The following NCKAP5L variants were observed in gnomAD, a reference collection of about 807,000 sequenced individuals.
NCKAP5L encodes the protein NCK associated protein 5 like, also known as nck-associated protein 5-like.
A neutral mutation model predicts 103.2 loss-of-function variants in NCKAP5L; 54 were observed. That is an observed-to-expected ratio of 0.52 (90% CI 0.42 to 0.66). The LOEUF is 0.66. Ranked by LOEUF, NCKAP5L falls within the 30% of genes least tolerant of loss-of-function variation. The pLI is 0.00. For missense variants in NCKAP5L, 1,733 were observed against 1,750.6 expected, an observed-to-expected ratio of 0.99 and a Z score of 0.18; for synonymous variants, 762 against 748.6, an observed-to-expected ratio of 1.02 and a Z score of -0.29.
chr12:49,826,823 C>T (rs886787875), intron 1 of NCKAP5L, among the ~76,000 whole-genome samples: 2 of 152,210 alleles, frequency 1.3e-5, no homozygotes, highest in African/African-American at 4.8e-5. Context: ...GAAGATCCTT[C>T]TTCCCTGCCA....
At position 49,797,051 on chromosome 12, in the gene NCKAP5L, G is replaced by A; in HGVS notation, c.809C>T (p.Thr270Ile). ...LLGGLGGEED[T>I]GRPWGPSRGP... Reference sequence around the variant, plus strand: ...CCTGCTAGGACCCCAGGGCCGCCCAGTGTCCTCTTCCCCTCCCAGACCCCC... The same window carrying A: ...CCTGCTAGGACCCCAGGGCCGCCCAATGTCCTCTTCCCCTCCCAGACCCCC... The change falls in exon 8 of 13, where the codon ACT becomes ATT. Residue 270 changes from threonine (T) to isoleucine (I), a missense_variant. Thr to Ile is a moderately conservative substitution (Grantham distance 89). Transcript: ENST00000335999. The surrounding 1 kb of genome is among the most constrained non-coding windows in gnomAD (Gnocchi z 4.5). 1.3e-6 allele frequency: 2 copies of A among 1,574,146 alleles called. No individual in the cohort carries two copies. Among genetic ancestry groups the A allele is most frequent in the Non-Finnish European group, 1.7e-6 (2 of 1,160,444 alleles).
Position 49,824,348 on chromosome 12 carries a change from C to G in NCKAP5L, c.-99+3974G>C, listed in dbSNP as rs371043138. Among the ~76,000 whole-genome samples, 13 of 152,326 alleles carry G rather than the reference C, an allele frequency of 8.5e-5. No homozygotes were observed. In the East Asian group the frequency reaches 1.7e-3, roughly 20 times the overall value. On this transcript the variant is annotated intron_variant, in intron 1 of 12. Transcript: ENST00000335999. The stretch of plus-strand genomic sequence containing the variant: ...GTCCATGAAGTGGGAGTGGGGAGCA[C>G]CTTACAGCCAGGTAGGCAGATCAGA...
chr12:49,796,010 C>T lies in NCKAP5L; in HGVS notation c.1850G>A (p.Ser617Asn), dbSNP rs1276274335. ...PCLPESYPYG[S>N]PQEKSLDKAG... is the part of the protein sequence containing the mutation. ...CTTGTCCAAACTCTTCTCTTGGGGG[C>T]TCCCATAGGGGTACGATTCTGGGAG... The change falls in exon 8 of 13, where the codon AGC becomes AAC. Residue 617 changes from serine to asparagine, a missense_variant. By Grantham distance (46) the Ser-to-Asn change is conservative. Coordinates refer to ENST00000335999, the MANE Select transcript of NCKAP5L (RefSeq NM_001037806.4). 1 of 1,541,986 alleles carries T rather than the reference C, an allele frequency of 6.5e-7. No individual in the cohort carries two copies. The highest frequency in any genetic ancestry group is 1.3e-5 in the South Asian group (1 of 77,892).
In NCKAP5L at chr12:49,791,918, C is replaced by T. The variant is rs1488952496; in HGVS notation, c.3926G>A (p.Gly1309Asp). The change falls in exon 13 of 13, where the codon GGC becomes GAC. Residue 1309 changes from glycine to aspartate, a missense_variant. By Grantham distance (94) the Gly-to-Asp change is moderately conservative. Transcript: ENST00000335999. ...CTCCGAGGTCTCCAGCCCTGGGGGG[C>T]CCCCGCTGGCCACTCTGCCTTCCTC... ...MAEEGRVASG[G>D]PPGLETSESL... is the part of the protein sequence containing the mutation. 6 of 1,611,404 alleles carry T rather than the reference C, an allele frequency of 3.7e-6. No individual in the cohort carries two copies. The highest frequency in any genetic ancestry group is 2.2e-5 in the East Asian group (1 of 44,834).
intron 1 of NCKAP5L, among the ~76,000 whole-genome samples, chr12:49,826,782 C>A (rs1946421147): frequency 6.6e-6 from 1 of 152,142 alleles, no homozygotes; most frequent in East Asian, 1.9e-4. Context: ...CGCTTGCTCC[C>A]CAAACACTTA....
Position 49,797,274 on chromosome 12 carries a change from C to T in NCKAP5L, c.586G>A (p.Ala196Thr). The T allele has an allele frequency of 1.2e-6, 2 of 1,613,544 alleles. No homozygotes were observed. The highest frequency in any genetic ancestry group is 1.7e-4 in the Middle Eastern group (1 of 6,056). Residue 196 changes from alanine (A) to threonine (T), a missense_variant, in exon 8 of 13, where the codon GCC becomes ACC. Physicochemically the swap from Ala to Thr is moderately conservative, Grantham distance 58. Transcript: ENST00000335999. This position sits in a 1 kb window ranked among gnomAD's most constrained non-coding sequence, Gnocchi z 4.5. ...KKAQILEVLR[A>T]LEETDPLLLC... ...AGCAAGGGGTCAGTCTCTTCCAGGG[C>T]TCTCAGCACCTCCAGAATCTGGGCC...
chr12:49,817,650 C>T (rs1398650382), intron 1 of NCKAP5L, among the ~76,000 whole-genome samples: 1 of 151,868 alleles, frequency 6.6e-6, no homozygotes, highest in African/African-American at 2.4e-5. Context: ...AATAGAGAGA[C>T]CAGAAATAAA....
Position 49,796,672 on chromosome 12 carries a change from G to A in NCKAP5L, c.1188C>T (p.Thr396=). The change falls in exon 8 of 13, where the codon ACC becomes ACT. Residue 396 remains threonine, a synonymous_variant. Coordinates refer to ENST00000335999, the MANE Select transcript of NCKAP5L (RefSeq NM_001037806.4). ...PEAHRPGFGA[T]SEGQGPLPFL... ...AGGGGAGGGGCCCCTGGCCCTCTGA[G>A]GTAGCACCGAAGCCTGGCCTGTGGG... 3 of 1,584,828 alleles carry A rather than the reference G, an allele frequency of 1.9e-6. No individual in the cohort carries two copies. The highest frequency in any genetic ancestry group is 2.2e-5 in the East Asian group (1 of 44,562).
In NCKAP5L at chr12:49,795,929, T is replaced by G; in HGVS notation, c.1931A>C (p.Lys644Thr). The change falls in exon 8 of 13, where the codon AAG (lysine) becomes ACG (threonine). Residue 644 changes from lysine to threonine, a missense_variant. Transcript: ENST00000335999. ...TCGCCGTCCTGACCCCTGGCTGGGC[T>G]TCTTGGATGAGTTGCCTGGGGTCCT... ...GRRTPGNSSK[K>T]PSQGSGRRPG... 6.5e-7 allele frequency: 1 copy of G among 1,528,200 alleles called. No individual in the cohort carries two copies. Among genetic ancestry groups the G allele is most frequent in the Non-Finnish European group, 8.7e-7 (1 of 1,144,734 alleles). 94.7% of individuals were successfully genotyped at this position (1,528,200 alleles called of 1,614,324 possible).
chr12:49,804,003 G>A lies in NCKAP5L; in HGVS notation c.42C>T (p.Asn14=), dbSNP rs759402909. 6.2e-7 allele frequency: 1 copy of A among 1,612,332 alleles called. No individual in the cohort carries two copies. The highest frequency in any genetic ancestry group is 8.5e-7 in the Non-Finnish European group (1 of 1,179,962). ...AMDQPAGGPG[N]PRPGEGDDGS... ...CATCATCACCCTCTCCTGGCCTTGG[G>A]TTTCCAGGACCCCCAGCTGGCTGGT... The change falls in exon 3 of 13, where the codon AAC becomes AAT. Residue 14 remains asparagine (N), a synonymous_variant. Transcript: ENST00000335999.
At position 49,807,861 on chromosome 12, in the gene NCKAP5L, C is replaced by T. The variant is rs1657318587; in HGVS notation, c.-98-1820G>A. On this transcript the variant is annotated intron_variant, in intron 1 of 12. Transcript: ENST00000335999. ...GGGGCTAGGGTGTGGCTGAGGTATG[C>T]TGTGGAGGAAGAGAAAAAAGTTGGG... 2.6e-5 allele frequency among the ~76,000 whole-genome samples: 4 copies of T among 151,984 alleles called. No individual in the cohort carries two copies. In the South Asian group the frequency reaches 8.3e-4, roughly 31 times the overall value.
chr12:49,793,528 G>A, intron 9 of NCKAP5L, 95 bp from the exon 10 acceptor site: 4 of 1,377,326 alleles, frequency 2.9e-6, no homozygotes, highest in South Asian at 2.6e-5. Context: ...GTAAACATAT[G>A]AGAGTATGAG....
Position 49,795,432 on chromosome 12 carries a change from T to C in NCKAP5L, c.2428A>G (p.Ser810Gly), listed in dbSNP as rs780264293. 20 of 1,582,640 alleles carry C rather than the reference T, an allele frequency of 1.3e-5. No homozygotes were observed. The highest frequency in any genetic ancestry group is 1.7e-5 in the Non-Finnish European group (20 of 1,167,790). ...SAPSLGKPNK[S>G]PHSSPTKLPS... ...AGCTTGGTGGGGCTGCTGTGAGGGC[T>C]CTTATTGGGCTTGCCCAGGCTTGGG... Residue 810 changes from serine (S) to glycine (G), a missense_variant, in exon 8 of 13, where the codon AGC becomes GGC. Coordinates refer to ENST00000335999, the MANE Select transcript of NCKAP5L (RefSeq NM_001037806.4).
chr12:49,819,622 T>G (rs750208731), intron 1 of NCKAP5L, among the ~76,000 whole-genome samples: 25 of 151,998 alleles, frequency 1.6e-4, no homozygotes, highest in Non-Finnish European at 3.2e-4. Context: ...AAAAGTTGAA[T>G]GCATAGAAGC....
In NCKAP5L at chr12:49,796,601, C is replaced by A; in HGVS notation, c.1259G>T (p.Arg420Leu). 6.2e-7 allele frequency: 1 copy of A among 1,601,796 alleles called. No homozygotes were observed. Among genetic ancestry groups the A allele is most frequent in the Non-Finnish European group, 8.5e-7 (1 of 1,175,188 alleles). The change falls in exon 8 of 13, where the codon CGG (arginine) becomes CTG (leucine). Residue 420 changes from arginine (R) to leucine (L), a missense_variant. Physicochemically the swap from Arg to Leu is moderately radical, Grantham distance 102 (BLOSUM62 -2). Transcript: ENST00000335999. ...AGATGAGGAATGGGGGTGGCCAGGC[C>A]GAGAGCCCAGTGGGGCATCCCCAGC... ...MGAGDAPLGS[R>L]PGHPHSSSQV...
chr12:49,825,280 A>C (rs901414620), intron 1 of NCKAP5L, among the ~76,000 whole-genome samples: 4 of 152,234 alleles, frequency 2.6e-5, no homozygotes, highest in African/African-American at 9.6e-5. Context: ...CAATCAGTCC[A>C]TTAATGCAGC....
chr12:49,804,809 G>A (rs1484560869), intron 2 of NCKAP5L: 1 of 152,254 alleles, frequency 6.6e-6, no homozygotes, highest in Non-Finnish European at 1.5e-5. Context: ...ACGTAGGGAA[G>A]AGCACCCTGA....
At chr12:49,807,086 C>T (rs1452796036) in intron 1 of NCKAP5L, among the ~76,000 whole-genome samples, 1 of 152,172 alleles carries the variant, frequency 6.6e-6, no homozygotes, top group Non-Finnish European at 1.5e-5. Context: ...GAATGCTGCT[C>T]TGCCCACCCT....
chr12:49,822,754 G>T (rs1236728255), intron 1 of NCKAP5L, among the ~76,000 whole-genome samples: 1 of 151,896 alleles, frequency 6.6e-6, no homozygotes, highest in Admixed American at 6.5e-5. Context: ...CACCGTCTTA[G>T]TCAGGCTGGT....
Sources: allele counts gnomAD v4.1 joint callset (sites outside exome capture counted in the v4.1 genomes callset), GRCh38; gene constraint gnomAD v4.1.1; non-coding constraint Gnocchi (gnomAD v3.1); transcripts MANE v1.5; gene names NCBI Gene and HGNC (gene_info 2026-07-23, HGNC 2026-07-21).